The following MRPS9 variants were observed in gnomAD, a reference collection of about 807,000 sequenced individuals.
MRPS9 encodes the protein mitochondrial ribosomal protein S9, also known as small ribosomal subunit protein uS9m.
MRPS9 carries 45 observed loss-of-function variants against 59.9 expected under a neutral mutation model. That is an observed-to-expected ratio of 0.75 (90% confidence interval 0.59 to 0.96). The LOEUF is 0.96. Among genes scored for constraint, MRPS9 ranks in the 40% least tolerant of loss-of-function variants. The pLI is 0.00. For synonymous variants in MRPS9, 171 were observed against 166.8 expected (o/e 1.03, Z -0.19); for missense variants, 473 against 481.1 (o/e 0.98, Z 0.16).
At chr2:105,046,244 CA>C (rs1679590790) in intron 1 of MRPS9, among the ~76,000 whole-genome samples, 1 of 150,474 alleles carries the variant, frequency 6.6e-6, no homozygotes, top group Admixed American at 6.6e-5. Flanking sequence ...ATGAGGTGTT[CA>C]GTCTGTTAAA....
intron 1 of MRPS9, among the ~76,000 whole-genome samples, chr2:105,043,386 C>T (rs1679535601): frequency 1.3e-5 from 2 of 152,128 alleles, no homozygotes; most frequent in Admixed American, 6.5e-5. Context: ...TTCTTTTTCG[C>T]TGGTTATAGT....
intron 4 of MRPS9, among the ~76,000 whole-genome samples, chr2:105,073,166 C>T (rs149734723): frequency 6.6e-6 from 1 of 152,162 alleles, no homozygotes; most frequent in Non-Finnish European, 1.5e-5. Flanking sequence ...ACCTATTTCT[C>T]TCTCTCTTTG....
At chr2:105,081,702 ACT>A (rs1269005452) in intron 5 of MRPS9, among the ~76,000 whole-genome samples, 15 of 152,138 alleles carry the variant, frequency 9.9e-5, no homozygotes, top group African/African-American at 3.1e-4. Flanking sequence ...ATGTTACCAT[ACT>A]CTCTGACTAA....
chr2:105,083,660 G>A (rs1255762931), intron 5 of MRPS9, among the ~76,000 whole-genome samples: 2 of 152,148 alleles, frequency 1.3e-5, no homozygotes, highest in African/African-American at 4.8e-5. Flanking sequence ...TTCCCAAAGT[G>A]CTTTCTGCAG....
At chr2:105,074,157 T>C (rs1044759987) in intron 4 of MRPS9, among the ~76,000 whole-genome samples, 3 of 152,138 alleles carry the variant, frequency 2.0e-5, no homozygotes, top group Non-Finnish European at 2.9e-5. Flanking sequence ...AATATGGACA[T>C]TGTATTATAC....
intron 10 of MRPS9, 149 bp downstream of exon 10, chr2:105,097,473 A>G (rs1680691462): frequency 5.7e-6 from 4 of 702,010 alleles, no homozygotes; most frequent in Non-Finnish European, 6.2e-6. Flanking sequence ...CTACAGAACC[A>G]TAACAGTATT....
chr2:105,087,987 C>T (rs745845236), intron 5 of MRPS9, among the ~76,000 whole-genome samples: 1 of 151,694 alleles, frequency 6.6e-6, no homozygotes, highest in Non-Finnish European at 1.5e-5. Context: ...TCAGAGCCCA[C>T]AAGAAGTTGC....
chr2:105,039,970 AT>A (rs1339933019), intron 1 of MRPS9, among the ~76,000 whole-genome samples: 3 of 152,218 alleles, frequency 2.0e-5, no homozygotes, highest in Non-Finnish European at 4.4e-5. Context: ...AAGTCAAACA[AT>A]TACAAGATAG....
chr2:105,062,688 C>A (rs1318094930), intron 2 of MRPS9, among the ~76,000 whole-genome samples: 1 of 152,142 alleles, frequency 6.6e-6, no homozygotes, highest in East Asian at 1.9e-4. Context: ...TGCTGAGTTG[C>A]ATGATTAAAA....
intron 1 of MRPS9, among the ~76,000 whole-genome samples, chr2:105,041,528 G>GT (rs35362832): frequency 7.6e-4 from 111 of 146,322 alleles, no homozygotes; most frequent in Middle Eastern, 3.5e-3. Flanking sequence ...TAAAGTATCT[G>GT]TTTTTTTTTT....
intron 1 of MRPS9, among the ~76,000 whole-genome samples, chr2:105,046,363 C>G (rs1679595259): frequency 6.6e-6 from 1 of 151,992 alleles, no homozygotes; most frequent in African/African-American, 2.4e-5. Context: ...CCCTCACCTA[C>G]AAACAATTTG....
chr2:105,042,311 G>T (rs538068168), intron 1 of MRPS9, among the ~76,000 whole-genome samples: 1 of 152,352 alleles, frequency 6.6e-6, no homozygotes, highest in South Asian at 2.1e-4. Flanking sequence ...AGGCTGTCGG[G>T]CTGAAGGCCC....
rs369257024 is a variant in MRPS9 at position 105,060,893 on chromosome 2, C to T, written c.316-10420C>T. Among the ~76,000 whole-genome samples, 9 of 151,542 alleles carry T rather than the reference C, an allele frequency of 5.9e-5. 1 individual carries two copies. Among genetic ancestry groups the T allele is most frequent in the South Asian group, 2.1e-4 (1 of 4,792 alleles). Reference sequence around the variant, plus strand: ...TTGGGAGGCCGAGGCGGGCAGATCACGAGGTCAGGAGATCGAGACCATCCT... The same window carrying T: ...TTGGGAGGCCGAGGCGGGCAGATCATGAGGTCAGGAGATCGAGACCATCCT... On this transcript the variant is annotated intron_variant, in intron 2 of 10. Transcript: ENST00000258455.
intron 2 of MRPS9, among the ~76,000 whole-genome samples, chr2:105,054,114 G>A (rs533346670): frequency 9.9e-5 from 15 of 152,282 alleles, no homozygotes; most frequent in Middle Eastern, 3.4e-3. Context: ...AACTAGTGTC[G>A]TTGAGCAAGT....
chr2:105,040,417 T>G (rs1679481103), intron 1 of MRPS9, among the ~76,000 whole-genome samples: 1 of 152,216 alleles, frequency 6.6e-6, no homozygotes, highest in South Asian at 2.1e-4. Flanking sequence ...AATAATAAAG[T>G]GCATTTCATG....
chr2:105,083,398 A>G (rs577137146), intron 5 of MRPS9, among the ~76,000 whole-genome samples: 2 of 152,186 alleles, frequency 1.3e-5, no homozygotes, highest in Non-Finnish European at 2.9e-5. Context: ...CCTGTCCAGG[A>G]TGACCAAGCT....
At chr2:105,093,142 C>T (rs1680593326) in intron 8 of MRPS9, among the ~76,000 whole-genome samples, 2 of 152,048 alleles carry the variant, frequency 1.3e-5, no homozygotes, top group African/African-American at 4.8e-5. Flanking sequence ...AGTTATATTT[C>T]ATCATACTAT....
chr2:105,040,269 A>C (rs978251193), intron 1 of MRPS9, among the ~76,000 whole-genome samples: 2 of 152,154 alleles, frequency 1.3e-5, no homozygotes, highest in South Asian at 4.1e-4. Context: ...CATGTTTTAT[A>C]AAATAATAAA....
chr2:105,042,741 A>G (rs1573413383), intron 1 of MRPS9, among the ~76,000 whole-genome samples: 1 of 152,098 alleles, frequency 6.6e-6, no homozygotes, highest in South Asian at 2.1e-4. Context: ...AACATCACTC[A>G]TTTCTTCTTT....
Sources: allele counts gnomAD v4.1 joint callset (sites outside exome capture counted in the v4.1 genomes callset), GRCh38; gene constraint gnomAD v4.1.1; transcripts MANE v1.5; gene names NCBI Gene and HGNC (gene_info 2026-07-23, HGNC 2026-07-21).